Variants in CR2 observed in about 807,000 individuals in gnomAD.
CR2 encodes complement receptor type 2.
A neutral mutation model predicts 123.0 loss-of-function variants in CR2; 96 were observed. That is an observed-to-expected ratio of 0.78 (90% CI 0.66 to 0.93). The LOEUF (loss-of-function observed/expected upper bound fraction) is 0.93, where lower values mean the gene tolerates loss of function less well. CR2 is among the 40% of genes least tolerant of loss of function. CR2 has a pLI of 0.00. For synonymous variants in CR2, 484 were observed against 469.5 expected (o/e 1.03, Z -0.40); for missense variants, 1,258 against 1,361.0 (o/e 0.92, Z 1.19).
In CR2 at chr1:207,454,601, C is replaced by T; in HGVS notation, c.58+125C>T. The stretch of plus-strand genomic sequence containing the variant: ...GGCAGTGCTCGACGCGTGTCCGCCT[C>T]CCGCTAGCTTTGAGGGACCACTGCA... On this transcript the variant is annotated intron_variant, in intron 1 of 19. Transcript: ENST00000367057. This position sits in a 1 kb window ranked among gnomAD's most constrained non-coding sequence, Gnocchi z 4.3. 1 of 742,400 alleles carries T rather than the reference C, an allele frequency of 1.3e-6. No individual in the cohort carries two copies. Among genetic ancestry groups the T allele is most frequent in the Non-Finnish European group, 2.1e-6 (1 of 469,690 alleles). The allele number at this position is 742,400 out of a possible 1,614,324, so 46.0% of individuals were successfully genotyped here. A position where few individuals can be genotyped will look rare whatever the true frequency, so the allele number is the denominator to read the frequency against.
In CR2 at chr1:207,478,164, T is replaced by C. The variant is rs954446115; in HGVS notation, c.3088+94T>C. On this transcript the variant is annotated intron_variant, in intron 16 of 19. Coordinates refer to ENST00000367057, the MANE Select transcript of CR2 (RefSeq NM_001006658.3). ...AGCGTGGAGAGTCCTGGGTTTTAAA[T>C]TGACATAGGTTTGTGACCAGTTGTA... is the stretch of plus-strand genomic sequence containing the variant. The C allele has an allele frequency of 5.7e-5, 75 of 1,305,084 alleles. No homozygotes were observed. In the African/African-American group the frequency reaches 1.0e-3, roughly 18 times the overall value. 80.8% of individuals were successfully genotyped at this position (1,305,084 alleles called of 1,614,324 possible).
Position 207,470,746 on chromosome 1 carries a change from A to G in CR2, c.1232A>G (p.Gln411Arg), listed in dbSNP as rs1328106132. 1 of 1,613,792 alleles carries G rather than the reference A, an allele frequency of 6.2e-7. No homozygotes were observed. Among genetic ancestry groups the G allele is most frequent in the Admixed American group, 1.7e-5 (1 of 59,972 alleles). ...PSAPVCEKECQAPPNILNGQK... is the reference protein window; with the variant it reads ...PSAPVCEKECRAPPNILNGQK... ...TTTTTGTCCTTTCATTTAGAATGCC[A>G]GGCCCCTCCTAACATCCTCAATGGG... is the stretch of plus-strand genomic sequence containing the variant. Residue 411 changes from glutamine to arginine, a missense_variant, in exon 7 of 20, where the codon CAG (glutamine) becomes CGG (arginine). Transcript: ENST00000367057.
At chr1:207,484,611 A>G (rs886146102) in intron 18 of CR2, among the ~76,000 whole-genome samples, 1 of 152,226 alleles carries the variant, frequency 6.6e-6, no homozygotes, top group Non-Finnish European at 1.5e-5. Flanking sequence ...GAACTCTTCA[A>G]TATTCTAGTG....
rs371546344 is a variant in CR2, at chr1:207,466,743, T to G, written c.276T>G (p.Pro92=). The part of the protein sequence containing the change: ...CEYFNKYSSC[P]EPIVPGGYKI... The stretch of plus-strand genomic sequence containing the variant: ...ATTTCAATAAATATTCTTCTTGCCC[T>G]GAGCCCATAGTACCAGGAGGATACA... The change falls in exon 2 of 20, where the codon CCT becomes CCG. Residue 92 remains proline, a synonymous_variant. Coordinates refer to ENST00000367057, the MANE Select transcript of CR2 (RefSeq NM_001006658.3). 1.5e-4 allele frequency: 246 copies of G among 1,613,996 alleles called. No homozygotes were observed. Among genetic ancestry groups the G allele is most frequent in the Non-Finnish European group, 2.0e-4 (236 of 1,179,992 alleles).
At chr1:207,480,095 G>C (rs773423699) in intron 18 of CR2, 42 bp downstream of exon 18, 2 of 1,460,376 alleles carry the variant, frequency 1.4e-6, no homozygotes, top group Non-Finnish European at 1.9e-6. Context: ...ACATGCACAA[G>C]TGGTTTCGGC....
At position 207,479,972 on chromosome 1, in the gene CR2, T is replaced by C; in HGVS notation, c.3113-6T>C. The C allele has an allele frequency of 6.2e-7, 1 of 1,610,214 alleles. No individual in the cohort carries two copies. The highest frequency in any genetic ancestry group is 8.5e-7 in the Non-Finnish European group (1 of 1,176,628). On this transcript the variant is annotated splice_polypyrimidine_tract_variant and splice_region_variant and intron_variant, in intron 17 of 19. Transcript: ENST00000367057. The stretch of plus-strand genomic sequence containing the variant: ...GCATTTGATACTTGCTGGATTTTTC[T>C]TCTAGGTATTGCTGCAGGTTTGATA...
chr1:207,459,327 T>C (rs554714650), intron 1 of CR2, among the ~76,000 whole-genome samples: 17 of 151,846 alleles, frequency 1.1e-4, no homozygotes, highest in Non-Finnish European at 2.5e-4. Context: ...TGTTGTTTTT[T>C]TTTTTATTAC....
chr1:207,467,778 G>A (rs568461535), intron 2 of CR2, among the ~76,000 whole-genome samples: 15 of 152,108 alleles, frequency 9.9e-5, no homozygotes, highest in Non-Finnish European at 1.9e-4. Flanking sequence ...AATTTAGACA[G>A]ACATATATGT....
At position 207,474,873 on chromosome 1, in the gene CR2, C is replaced by G. The variant is rs1130322; in HGVS notation, c.2373C>G (p.Gly791=). 1.2e-6 allele frequency: 2 copies of G among 1,613,998 alleles called. No homozygotes were observed. The highest frequency in any genetic ancestry group is 2.7e-5 in the African/African-American group (2 of 75,010). The change falls in exon 14 of 20, where the codon GGC becomes GGG. Residue 791 remains glycine (G), a synonymous_variant. Transcript: ENST00000367057. ...TGATTGTCAATGGGAAGCACACAGG[C>G]ATGATGGCAGAAAACTTTCTATATG... ...PPVIVNGKHT[G]MMAENFLYGN...
In CR2 at chr1:207,482,167, T is replaced by C. The variant is rs537986796; in HGVS notation, c.3188+2114T>C. Among the ~76,000 whole-genome samples, 14 of 152,288 alleles carry C rather than the reference T, an allele frequency of 9.2e-5. 1 individual carries two copies. In the South Asian group the frequency reaches 2.7e-3, roughly 29 times the overall value. On this transcript the variant is annotated intron_variant, in intron 18 of 19. Coordinates refer to ENST00000367057, the MANE Select transcript of CR2 (RefSeq NM_001006658.3). ...TATTTATAGTCACAAAAGTTGTTTT[T>C]CCCTATTTAAAATCACTGAAAAATC... is the stretch of plus-strand genomic sequence containing the variant.
intron 16 of CR2, among the ~76,000 whole-genome samples, chr1:207,478,616 GA>G (rs1398001215): frequency 1.3e-5 from 2 of 150,670 alleles, no homozygotes; most frequent in Non-Finnish European, 3.0e-5. Context: ...TTAGGATGGG[GA>G]AAGTGAAGAA....
chr1:207,477,490 GAAGA>G (rs1205340947), intron 15 of CR2, among the ~76,000 whole-genome samples: 1 of 152,080 alleles, frequency 6.6e-6, no homozygotes, highest in Non-Finnish European at 1.5e-5. Flanking sequence ...ACACTGAAAA[GAAGA>G]AAGAAATGAG....
intron 16 of CR2, 32 bp downstream of exon 16, chr1:207,478,102 A>C (rs1572961717): frequency 1.9e-6 from 3 of 1,604,678 alleles, no homozygotes; most frequent in Non-Finnish European, 2.6e-6. Context: ...GCCGCTTGTA[A>C]CTGGCTAACG....
intron 9 of CR2, among the ~76,000 whole-genome samples, 156 bp downstream of exon 9, chr1:207,471,655 T>C (rs1402884699): frequency 6.6e-6 from 1 of 152,216 alleles, no homozygotes; most frequent in African/African-American, 2.4e-5. Context: ...ACCATGTCTT[T>C]CTTTTGCTAC....
At chr1:207,474,354 G>T (rs756197270) in intron 13 of CR2, 31 bp downstream of exon 13, 1 of 1,481,234 alleles carries the variant, frequency 6.8e-7, no homozygotes, top group South Asian at 1.1e-5. Context: ...GCCTGACAAT[G>T]GTAATGGAGG....
Position 207,466,923 on chromosome 1 carries a change from A to G in CR2, c.445+11A>G. Reference sequence around the variant, plus strand: ...CAACCTGTGTAAGTGGTGAGTATGAAAAGAAAGCTGGGTTGGGAGGTTGGG... The same window carrying G: ...CAACCTGTGTAAGTGGTGAGTATGAGAAGAAAGCTGGGTTGGGAGGTTGGG... On this transcript the variant is annotated intron_variant, in intron 2 of 19. Transcript: ENST00000367057. 4.5e-6 allele frequency: 7 copies of G among 1,572,084 alleles called. No homozygotes were observed. The highest frequency in any genetic ancestry group is 6.0e-6 in the Non-Finnish European group (7 of 1,162,516).
intron 12 of CR2, 32 bp downstream of exon 12, chr1:207,473,917 G>A: frequency 6.3e-7 from 1 of 1,595,042 alleles, no homozygotes; most frequent in Non-Finnish European, 8.6e-7. Context: ...CTGAGAAAAG[G>A]TCTCAACCTT....
rs1204718390 is a variant in CR2, at chr1:207,478,033, TC to T, written c.3052del (p.His1018ThrfsTer26). On this transcript the variant is annotated frameshift_variant, in exon 16 of 20. Transcript: ENST00000367057. LOFTEE classifies it high-confidence loss of function. ...GSPQSQCQSD[H>X]QWNPPLAVCR... is the part of the protein sequence containing the mutation. The stretch of plus-strand genomic sequence containing the variant: ...GTCCCCAGAGCCAGTGCCAATCGGA[TC>T]ACCAATGGAACCCTCCCCTGGCGGT... The T allele has an allele frequency of 6.2e-7, 1 of 1,613,866 alleles. No individual in the cohort carries two copies.
chr1:207,478,901 A>G (rs1658522609), intron 16 of CR2, among the ~76,000 whole-genome samples: 1 of 151,906 alleles, frequency 6.6e-6, no homozygotes. Context: ...AAAAAAGGCC[A>G]GTGAGTTGCT....
Sources: allele counts gnomAD v4.1 joint callset (sites outside exome capture counted in the v4.1 genomes callset), GRCh38; gene constraint gnomAD v4.1.1; non-coding constraint Gnocchi (gnomAD v3.1); transcripts MANE v1.5; gene names NCBI Gene and HGNC (gene_info 2026-07-23, HGNC 2026-07-21).